Variants in AURKAIP1 observed in about 807,000 individuals in gnomAD.
The protein encoded by AURKAIP1 is aurora kinase A interacting protein 1.
Under a neutral mutation model 18.4 loss-of-function variants are expected in AURKAIP1, and 20 were observed. That is an observed-to-expected ratio of 1.09 (90% confidence interval 0.77 to 1.58). The LOEUF (loss-of-function observed/expected upper bound fraction) is 1.58. Among genes scored for constraint, AURKAIP1 ranks in the 40% most tolerant of loss-of-function variants. The probability of loss-of-function intolerance (pLI) is 0.00; values close to 1 mark genes in which losing one functional copy is unlikely to be tolerated. For synonymous variants in AURKAIP1, 156 were observed against 120.8 expected (o/e 1.29, Z -1.91); for missense variants, 319 against 270.7 (o/e 1.18, Z -1.25).
At position 1,373,797 on chromosome 1, in the gene AURKAIP1, A is replaced by G. The variant is rs770701755; in HGVS notation, c.*4T>C. 3.8e-6 allele frequency: 6 copies of G among 1,597,444 alleles called. No individual in the cohort carries two copies. The South Asian group carries it at 6.6e-5, about 18-fold the overall frequency. The stretch of plus-strand genomic sequence containing the variant: ...AGCAACGGGCGGGAAGGGCGGCGCC[A>G]GACTCATTTGCCCCGCAGGTAGATC... On this transcript the variant is annotated 3_prime_UTR_variant, in exon 4 of 4. Coordinates refer to ENST00000338338, the MANE Select transcript of AURKAIP1 (RefSeq NM_017900.3).
At chr1:1,374,507 G>C in intron 2 of AURKAIP1, 62 bp from the exon 3 acceptor site, 1 of 1,410,664 alleles carries the variant, frequency 7.1e-7, no homozygotes, top group Non-Finnish European at 9.3e-7. Flanking sequence ...TCGGGTTGAG[G>C]AGCAGCAGGT....
Position 1,374,375 on chromosome 1 carries a change from C to A in AURKAIP1, c.123G>T (p.Ser41=). The change falls in exon 3 of 4, where the codon TCG becomes TCT. Residue 41 remains serine, a synonymous_variant. Coordinates refer to ENST00000338338, the MANE Select transcript of AURKAIP1 (RefSeq NM_017900.3). ...AGGCCGCCCTACCTGGGCCGGCCGG[C>A]GATGTGCTGTAAAGGGGCCCGCAGA... ...SRVCGPLYST[S]PAGPGRAASL... 3 of 1,510,954 alleles carry A rather than the reference C, an allele frequency of 2.0e-6. No homozygotes were observed. Among genetic ancestry groups the A allele is most frequent in the Non-Finnish European group, 2.6e-6 (3 of 1,135,018 alleles). The allele number at this position is 1,510,954 out of a possible 1,614,324, so 93.6% of individuals were successfully genotyped here.
In AURKAIP1 at chr1:1,374,967, C is replaced by G. The variant is rs932560682; in HGVS notation, c.-34-177G>C. 14 of 518,510 alleles carry G rather than the reference C, an allele frequency of 2.7e-5. No homozygotes were observed. The Admixed American group carries it at 4.7e-4, about 17-fold the overall frequency. 32.1% of individuals were successfully genotyped at this position (518,510 alleles called of 1,614,324 possible). On this transcript the variant is annotated intron_variant, in intron 1 of 3. Coordinates refer to ENST00000338338, the MANE Select transcript of AURKAIP1 (RefSeq NM_017900.3). ...TCGCGCCCCGAGGCTCCCAAGCCCC[C>G]GACGCGGGCGGTGTCGCGCTCGGAC... is the stretch of plus-strand genomic sequence containing the variant.
rs751766763 is a variant in AURKAIP1, at chr1:1,374,369, G to A, written c.129C>T (p.Ala43=). ...GGAGAGAGGCCGCCCTACCTGGGCC[G>A]GCCGGCGATGTGCTGTAAAGGGGCC... The part of the protein sequence containing the change: ...VCGPLYSTSP[A]GPGRAASLPR... Residue 43 remains alanine (A), a synonymous_variant, in exon 3 of 4, where the codon GCC becomes GCT. Coordinates refer to ENST00000338338, the MANE Select transcript of AURKAIP1 (RefSeq NM_017900.3). 2 of 1,517,250 alleles carry A rather than the reference G, an allele frequency of 1.3e-6. No individual in the cohort carries two copies. The highest frequency in any genetic ancestry group is 1.4e-5 in the African/African-American group (1 of 72,518). The allele number at this position is 1,517,250 out of a possible 1,614,324, so 94.0% of individuals were successfully genotyped here.
In AURKAIP1 at chr1:1,374,290, A is replaced by G. The variant is rs753105916; in HGVS notation, c.208T>C (p.Ser70Pro). The G allele has an allele frequency of 1.9e-6, 3 of 1,593,042 alleles. No homozygotes were observed. The East Asian group carries it at 6.7e-5, about 36-fold the overall frequency. The change falls in exon 3 of 4, where the codon TCC becomes CCC. Residue 70 changes from serine (S) to proline (P), a missense_variant. Ser to Pro is a moderately conservative substitution (Grantham distance 74, BLOSUM62 -1). Transcript: ENST00000338338. Reference protein sequence around the residue: ...LEEMLVPRKMSVSPLESWLTA... With the variant: ...LEEMLVPRKMPVSPLESWLTA... ...AGCCAGCTCTCCAGGGGGCTGACGGACATCTTCCTGGGGACCAGCATCTCC... is the reference window on the plus strand; with the variant it reads ...AGCCAGCTCTCCAGGGGGCTGACGGGCATCTTCCTGGGGACCAGCATCTCC...
At position 1,373,842 on chromosome 1, in the gene AURKAIP1, C is replaced by CG. The variant is rs1303644351; in HGVS notation, c.558dup (p.Glu187ArgfsTer?). 2.5e-6 allele frequency: 4 copies of CG among 1,603,304 alleles called. No individual in the cohort carries two copies. Among genetic ancestry groups the CG allele is most frequent in the Non-Finnish European group, 2.5e-6 (3 of 1,179,748 alleles). On this transcript the variant is annotated frameshift_variant, in exon 4 of 4. Transcript: ENST00000338338. LOFTEE classifies it high-confidence loss of function. ...TAGATCTTGGGGGTCTGCCAGCCTT[C>CG]GGGGGCTTCCTTTAGCCCCGCCTTC...
rs887142331 is a variant in AURKAIP1 at position 1,374,099 on chromosome 1, G to A, written c.399C>T (p.Ile133=). The A allele has an allele frequency of 6.2e-7, 1 of 1,612,102 alleles. No homozygotes were observed. The highest frequency in any genetic ancestry group is 8.5e-7 in the Non-Finnish European group (1 of 1,178,842). Residue 133 remains isoleucine (I), a synonymous_variant, in exon 3 of 4, where the codon ATC becomes ATT. Transcript: ENST00000338338. ...TGTGGTGGTTCATCTTCCGCCGGCG[G>A]ATCTTCAGCACGTTTTTGCACTGAA... is the stretch of plus-strand genomic sequence containing the variant. ...PQIQCKNVLK[I]RRRKMNHHKY...
In AURKAIP1 at chr1:1,374,288, G is replaced by A. The variant is rs200673616; in HGVS notation, c.210C>T (p.Ser70=). The A allele has an allele frequency of 1.4e-5, 22 of 1,593,302 alleles. No individual in the cohort carries two copies. Among genetic ancestry groups the A allele is most frequent in the Admixed American group, 6.8e-5 (4 of 59,166 alleles). The change falls in exon 3 of 4, where the codon TCC becomes TCT. Residue 70 remains serine, a synonymous_variant. Transcript: ENST00000338338. ...TGAGCCAGCTCTCCAGGGGGCTGAC[G>A]GACATCTTCCTGGGGACCAGCATCT... ...LEEMLVPRKM[S]VSPLESWLTA...
At chr1:1,374,826 C>A in intron 1 of AURKAIP1, 36 bp from the exon 2 acceptor site, 3 of 1,452,848 alleles carry the variant, frequency 2.1e-6, no homozygotes, top group Non-Finnish European at 2.8e-6. Context: ...CAGGCGGCAG[C>A]GCCTTCAGTA....
intron 2 of AURKAIP1, 120 bp from the exon 3 acceptor site, chr1:1,374,565 G>A: frequency 7.3e-7 from 1 of 1,373,332 alleles, no homozygotes; most frequent in East Asian, 2.5e-5. Flanking sequence ...CTGAACCCCT[G>A]AGGTTCCCTC....
Position 1,374,397 on chromosome 1 carries a change from C to A in AURKAIP1, c.101G>T (p.Cys34Phe), listed in dbSNP as rs754965138. ...PVSGVLGSRV[C>F]GPLYSTSPAG... ...CGGCGATGTGCTGTAAAGGGGCCCG[C>A]AGACCCGGCTGCCCAGCACTCCAGA... Residue 34 changes from cysteine to phenylalanine, a missense_variant, in exon 3 of 4, where the codon TGC becomes TTC. Coordinates refer to ENST00000338338, the MANE Select transcript of AURKAIP1 (RefSeq NM_017900.3). 2.4e-5 allele frequency: 35 copies of A among 1,475,240 alleles called. No individual in the cohort carries two copies. The African/African-American group carries it at 4.8e-4, about 20-fold the overall frequency. The allele number at this position is 1,475,240 out of a possible 1,614,324, so 91.4% of individuals were successfully genotyped here. A position where few individuals can be genotyped will look rare whatever the true frequency, so the allele number is the denominator to read the frequency against.
In AURKAIP1 at chr1:1,374,067, C is replaced by T. The variant is rs369452592; in HGVS notation, c.431G>A (p.Arg144Gln). ...GAACCGCGTCTTCTTCACCAGCTTC[C>T]GGTACTTGTGGTGGTTCATCTTCCG... ...RRRKMNHHKY[R>Q]KLVKKTRFLR... Residue 144 changes from arginine (R) to glutamine (Q), a missense_variant, in exon 3 of 4, where the codon CGG becomes CAG. Physicochemically the swap from Arg to Gln is conservative, Grantham distance 43. Coordinates refer to ENST00000338338, the MANE Select transcript of AURKAIP1 (RefSeq NM_017900.3). The T allele has an allele frequency of 6.2e-6, 10 of 1,609,032 alleles. No homozygotes were observed. In the East Asian group the frequency reaches 1.8e-4, roughly 29 times the overall value.
At position 1,374,462 on chromosome 1, in the gene AURKAIP1, G is replaced by C. The variant is rs764487926; in HGVS notation, c.53-17C>G. 2.1e-6 allele frequency: 3 copies of C among 1,440,868 alleles called. No individual in the cohort carries two copies. In the African/African-American group the frequency reaches 4.3e-5, roughly 21 times the overall value. The allele number at this position is 1,440,868 out of a possible 1,614,324, so 89.3% of individuals were successfully genotyped here. ...GGCGGCCGCCTGCAGAAAACCAGAC[G>C]CCACGGTCACCGCTCGCGAGACCAC... On this transcript the variant is annotated splice_polypyrimidine_tract_variant and intron_variant, in intron 2 of 3. Coordinates refer to ENST00000338338, the MANE Select transcript of AURKAIP1 (RefSeq NM_017900.3).
intron 1 of AURKAIP1, 147 bp downstream of exon 1, chr1:1,375,007 C>T (rs1271362268): frequency 4.3e-6 from 2 of 460,678 alleles, no homozygotes; most frequent in Non-Finnish European, 7.7e-6. Context: ...CGAAAGGTCC[C>T]AGAACGGGGA....
intron 2 of AURKAIP1, 47 bp downstream of exon 2, chr1:1,374,655 ACTC>A: frequency 6.5e-7 from 1 of 1,539,634 alleles, no homozygotes; most frequent in East Asian, 2.5e-5. Context: ...TGAGACCCGC[ACTC>A]CTAACCAGGT....
At chr1:1,374,895 C>G (rs1015290794) in intron 1 of AURKAIP1, 105 bp from the exon 2 acceptor site, 32 of 706,320 alleles carry the variant, frequency 4.5e-5, no homozygotes, top group Non-Finnish European at 6.6e-5. Flanking sequence ...CTTCCCTTCT[C>G]CCTCCGCCAC....
rs779604187 is a variant in AURKAIP1 at position 1,374,807 on chromosome 1, C to G, written c.-34-17G>C. The G allele has an allele frequency of 6.5e-7, 1 of 1,528,798 alleles. No homozygotes were observed. The highest frequency in any genetic ancestry group is 8.8e-7 in the Non-Finnish European group (1 of 1,132,076). 94.7% of individuals were successfully genotyped at this position (1,528,798 alleles called of 1,614,324 possible). Reference sequence around the variant, plus strand: ...CCAGGGGAGCTGGAACACAAGTGCCCGTTCAGGTCAGGCGGCAGCGCCTTC... The same window carrying G: ...CCAGGGGAGCTGGAACACAAGTGCCGGTTCAGGTCAGGCGGCAGCGCCTTC... On this transcript the variant is annotated splice_polypyrimidine_tract_variant and intron_variant, in intron 1 of 3. Transcript: ENST00000338338.
chr1:1,374,586 G>A (rs940418090), intron 2 of AURKAIP1, 119 bp downstream of exon 2: 3 of 1,392,082 alleles, frequency 2.2e-6, no homozygotes, highest in Non-Finnish European at 3.0e-6. Flanking sequence ...TGTGAGCATC[G>A]GAAGCTTAGA....
chr1:1,373,780 G>A lies in AURKAIP1; in HGVS notation c.*21C>T, dbSNP rs368225395. On this transcript the variant is annotated 3_prime_UTR_variant, in exon 4 of 4. Coordinates refer to ENST00000338338, the MANE Select transcript of AURKAIP1 (RefSeq NM_017900.3). ...TTACTACGGATCACAGCAGCAACGG[G>A]CGGGAAGGGCGGCGCCAGACTCATT... The A allele has an allele frequency of 6.3e-7, 1 of 1,585,570 alleles. No individual in the cohort carries two copies.
Sources: gnomAD v4.1 joint callset for allele counts on GRCh38, gnomAD v4.1.1 for gene constraint, MANE v1.5 for transcripts, NCBI Gene and HGNC (gene_info 2026-07-23, HGNC 2026-07-21) for gene names.